Variants in CBLB observed in about 807,000 individuals in gnomAD.
CBLB encodes E3 ubiquitin-protein ligase CBL-B.
A neutral mutation model predicts 104.9 loss-of-function variants in CBLB; 31 were observed. The observed-to-expected ratio is 0.30, with a 90% CI of 0.22 to 0.40. The LOEUF is 0.40. Ranked by LOEUF, CBLB falls within the 10% of genes least tolerant of loss-of-function variation. CBLB has a pLI of 1.00. For missense variants in CBLB, 1,062 were observed against 1,214.6 expected (o/e 0.87, Z 1.87); for synonymous variants, 440 against 422.6 (o/e 1.04, Z -0.51).
intron 12 of CBLB, among the ~76,000 whole-genome samples, chr3:105,698,640 T>C (rs1221559810): frequency 6.8e-6 from 1 of 146,062 alleles, no homozygotes; most frequent in Non-Finnish European, 1.5e-5. Flanking sequence ...CATTTGCTTA[T>C]ATTAGGGGCC....
intron 16 of CBLB, among the ~76,000 whole-genome samples, chr3:105,679,772 CAA>C (rs35237641): frequency 1.7e-3 from 244 of 144,986 alleles, no homozygotes; most frequent in Non-Finnish European, 1.8e-3. Flanking sequence ...AAGACTGTCT[CAA>C]AAAAAAAAAA....
In CBLB at chr3:105,690,295, T is replaced by C. The variant is rs1340374941; in HGVS notation, c.2054+3199A>G. ...TAAGATGGAAATGAACTCTCGAACA[T>C]CTGACATTCCTATTTCTGTGAGTGG... On this transcript the variant is annotated intron_variant, in intron 13 of 18. Transcript: ENST00000394030. Among the ~76,000 whole-genome samples, 6 of 152,218 alleles carry C rather than the reference T, an allele frequency of 3.9e-5. No homozygotes were observed. The South Asian group carries it at 1.0e-3, about 26-fold the overall frequency.
intron 9 of CBLB, among the ~76,000 whole-genome samples, chr3:105,726,660 A>C (rs899157789): frequency 2.6e-5 from 4 of 151,916 alleles, no homozygotes; most frequent in African/African-American, 9.7e-5. Context: ...CCTATCAACC[A>C]GTCATCTACA....
At position 105,772,632 on chromosome 3, in the gene CBLB, G is replaced by T. The variant is rs914340974; in HGVS notation, c.566+3764C>A. On this transcript the variant is annotated intron_variant, in intron 4 of 18. Transcript: ENST00000394030. Reference sequence around the variant, plus strand: ...AAACTATGCTTCTGACAACGGACTAGTATCTAGAATCTACAAGGACCTAAA... The same window carrying T: ...AAACTATGCTTCTGACAACGGACTATTATCTAGAATCTACAAGGACCTAAA... Among the ~76,000 whole-genome samples the T allele has an allele frequency of 2.0e-5, 3 of 152,204 alleles. No homozygotes were observed. In the South Asian group the frequency reaches 6.2e-4, roughly 32 times the overall value.
At chr3:105,838,475 T>C (rs868500944) in intron 3 of CBLB, among the ~76,000 whole-genome samples, 6 of 151,816 alleles carry the variant, frequency 4.0e-5, no homozygotes, top group South Asian at 4.2e-4. Flanking sequence ...ATGTTAGCTA[T>C]GCCAGTAATA....
chr3:105,817,563 T>C (rs2085240613), intron 3 of CBLB, among the ~76,000 whole-genome samples: 1 of 152,070 alleles, frequency 6.6e-6, no homozygotes, highest in African/African-American at 2.4e-5. Context: ...ACTAGAGTAG[T>C]GAATATTCTA....
intron 7 of CBLB, 50 bp from the exon 8 acceptor site, chr3:105,737,308 C>A: frequency 1.1e-6 from 1 of 906,008 alleles, no homozygotes; most frequent in Non-Finnish European, 1.7e-6. Context: ...GTTTTAATTG[C>A]ATTTAAGGAT....
intron 18 of CBLB, among the ~76,000 whole-genome samples, chr3:105,668,975 T>C (rs922841360): frequency 1.3e-5 from 2 of 152,152 alleles, no homozygotes; most frequent in African/African-American, 2.4e-5. Context: ...TTCACAAATA[T>C]GTGACAAAAA....
intron 6 of CBLB, among the ~76,000 whole-genome samples, chr3:105,741,297 T>A (rs1375304647): frequency 6.6e-6 from 1 of 152,144 alleles, no homozygotes; most frequent in South Asian, 2.1e-4. Flanking sequence ...CAAGCGATTC[T>A]CCTGCCTCAG....
rs1042852 is a variant in CBLB, at chr3:105,658,671, C to T, written c.*299G>A. The T allele has an allele frequency of 0.25, 111,483 of 438,350 alleles. 14,873 individuals are homozygous for T. Among genetic ancestry groups the T allele is most frequent in the Admixed American group, 0.28 (7,465 of 26,574 alleles). The allele number at this position is 438,350 out of a possible 1,614,324, so 27.2% of individuals were successfully genotyped here. ...AAGAACAAACTGCAACTTTGCCAAACTGTAAACAAGGTAAAGCATTTCACA... is the reference window on the plus strand; with the variant it reads ...AAGAACAAACTGCAACTTTGCCAAATTGTAAACAAGGTAAAGCATTTCACA... On this transcript the variant is annotated 3_prime_UTR_variant, in exon 19 of 19. Transcript: ENST00000394030.
At chr3:105,684,427 T>C (rs2066741315) in intron 14 of CBLB, among the ~76,000 whole-genome samples, 1 of 152,160 alleles carries the variant, frequency 6.6e-6, no homozygotes, top group African/African-American at 2.4e-5. Flanking sequence ...AATATTTCAA[T>C]ACAAACAACC....
rs536232152 is a variant in CBLB, at chr3:105,790,568, C to A, written c.420-14026G>T. ...GGTAATGGAAATATAAGATAAAGAC[C>A]AGTTCAGTCCTTGCTTTCTGGGAGT... On this transcript the variant is annotated intron_variant, in intron 3 of 18. Transcript: ENST00000394030. 7.4e-4 allele frequency among the ~76,000 whole-genome samples: 112 copies of A among 152,196 alleles called. 1 individual carries two copies. Among genetic ancestry groups the A allele is most frequent in the African/African-American group, 2.6e-3 (107 of 41,534 alleles).
intron 6 of CBLB, among the ~76,000 whole-genome samples, chr3:105,741,803 G>C (rs923828354): frequency 2.0e-5 from 3 of 152,222 alleles, no homozygotes; most frequent in Middle Eastern, 3.2e-3. Flanking sequence ...ACAGGCGTGA[G>C]CCACCGCACC....
At position 105,702,344 on chromosome 3, in the gene CBLB, C is replaced by T; in HGVS notation, c.1709G>A (p.Arg570Lys). 6.2e-7 allele frequency: 1 copy of T among 1,613,844 alleles called. No individual in the cohort carries two copies. Among genetic ancestry groups the T allele is most frequent in the Non-Finnish European group, 8.5e-7 (1 of 1,179,960 alleles). ...ERPPPIPPDN[R>K]LSRHIHHVES... ...CACATGATGGATGTGTCTACTCAGT[C>T]TATTGTCTGGTGGGATTGGTGGAGG... is the stretch of plus-strand genomic sequence containing the variant. Residue 570 changes from arginine (R) to lysine (K), a missense_variant, in exon 12 of 19, where the codon AGA (arginine) becomes AAA (lysine). Physicochemically the swap from Arg to Lys is conservative, Grantham distance 26 (BLOSUM62 2). This residue lies in a region of CBLB where 605 missense variants were observed against 582.6 expected (regional missense o/e 1.04). Coordinates refer to ENST00000394030, the MANE Select transcript of CBLB (RefSeq NM_170662.5).
rs776647009 is a variant in CBLB at position 105,702,327 on chromosome 3, G to T, written c.1726C>A (p.His576Asn). Reference sequence around the variant, plus strand: ...CTGGAAGGCACGCTTTCCACATGATGGATGTGTCTACTCAGTCTATTGTCT... The same window carrying T: ...CTGGAAGGCACGCTTTCCACATGATTGATGTGTCTACTCAGTCTATTGTCT... ...PPDNRLSRHI[H>N]HVESVPSRDP... Residue 576 changes from histidine to asparagine, a missense_variant, in exon 12 of 19, where the codon CAT becomes AAT. His to Asn is a moderately conservative substitution (Grantham distance 68, BLOSUM62 1). Transcript: ENST00000394030. 2 of 1,613,974 alleles carry T rather than the reference G, an allele frequency of 1.2e-6. No individual in the cohort carries two copies. The highest frequency in any genetic ancestry group is 1.7e-6 in the Non-Finnish European group (2 of 1,179,984).
At chr3:105,744,696 C>G (rs915023203) in intron 6 of CBLB, among the ~76,000 whole-genome samples, 5 of 151,866 alleles carry the variant, frequency 3.3e-5, no homozygotes, top group African/African-American at 1.2e-4. Context: ...CTTTGGGAGA[C>G]CAAGGTGGGC....
intron 7 of CBLB, among the ~76,000 whole-genome samples, chr3:105,739,394 T>C (rs1183655384): frequency 6.6e-6 from 1 of 152,206 alleles, no homozygotes. Context: ...TGCAGCGAGT[T>C]TGATCACGAG....
chr3:105,788,797 T>C (rs958179260), intron 3 of CBLB, among the ~76,000 whole-genome samples: 1 of 152,188 alleles, frequency 6.6e-6, no homozygotes, highest in Non-Finnish European at 1.5e-5. Flanking sequence ...CTTTACTCAA[T>C]AGAATGTGGT....
In CBLB at chr3:105,693,591, G is replaced by A; in HGVS notation, c.1960-3C>T. On this transcript the variant is annotated splice_polypyrimidine_tract_variant and splice_region_variant and intron_variant, in intron 12 of 18. Transcript: ENST00000394030. ...CCAAGGTGACCATTGGAAAAGACCT[G>A]AAAGTAAATCAAATTGTTAGTTTCC... 1 of 1,601,286 alleles carries A rather than the reference G, an allele frequency of 6.2e-7. No individual in the cohort carries two copies. The highest frequency in any genetic ancestry group is 8.6e-7 in the Non-Finnish European group (1 of 1,168,922).
Sources: allele counts gnomAD v4.1 joint callset (sites outside exome capture counted in the v4.1 genomes callset), GRCh38; gene constraint gnomAD v4.1.1; regional missense constraint gnomAD v4.1.1; transcripts MANE v1.5; gene names NCBI Gene and HGNC (gene_info 2026-07-23, HGNC 2026-07-21).